The following SH3GL3 variants were observed in gnomAD, a reference collection of about 807,000 sequenced individuals.
The protein encoded by SH3GL3 is SH3 domain containing GRB2 like 3, endophilin A3, also known as endophilin-A3.
In SH3GL3, 33 loss-of-function variants were observed where a neutral mutation model predicts 47.7. That is an observed-to-expected ratio of 0.69 (90% CI 0.52 to 0.92). The LOEUF (loss-of-function observed/expected upper bound fraction) is 0.92. Among genes scored for constraint, SH3GL3 ranks in the 40% least tolerant of loss-of-function variants. The pLI, the probability that SH3GL3 is intolerant of heterozygous loss-of-function variation, is 0.00. For missense variants in SH3GL3, 363 were observed against 417.8 expected, an observed-to-expected ratio of 0.87 and a Z score of 1.14; for synonymous variants, 155 against 148.8, an observed-to-expected ratio of 1.04 and a Z score of -0.30.
At chr15:83,587,521 T>C (rs2059986352) in intron 7 of SH3GL3, among the ~76,000 whole-genome samples, 1 of 111,070 alleles carries the variant, frequency 9.0e-6, no homozygotes, top group African/African-American at 3.5e-5. Context: ...TATGTAAATA[T>C]CTGTAAAAAA....
intron 1 of SH3GL3, among the ~76,000 whole-genome samples, chr15:83,502,056 A>T (rs900097792): frequency 6.6e-6 from 1 of 152,276 alleles, no homozygotes; most frequent in African/African-American, 2.4e-5. Context: ...GCTTCACTCT[A>T]GGAATAATAT....
intron 1 of SH3GL3, among the ~76,000 whole-genome samples, chr15:83,520,333 C>CA (rs1333669989): frequency 6.6e-6 from 1 of 151,552 alleles, no homozygotes; most frequent in Admixed American, 6.6e-5. Flanking sequence ...TAGCAAAGAA[C>CA]AAAAAAAAGC....
chr15:83,582,152 T>A (rs1048755623), intron 6 of SH3GL3, among the ~76,000 whole-genome samples: 1 of 152,362 alleles, frequency 6.6e-6, no homozygotes, highest in East Asian at 1.9e-4. Context: ...ACCTCTTCTG[T>A]CTTTGCAGAG....
intron 1 of SH3GL3, among the ~76,000 whole-genome samples, chr15:83,462,159 T>C (rs1236637459): frequency 6.6e-6 from 1 of 152,216 alleles, no homozygotes; most frequent in Non-Finnish European, 1.5e-5. Flanking sequence ...GTGCCTGATA[T>C]GTGGGCCACA....
chr15:83,534,287 T>C (rs2043810128), intron 1 of SH3GL3, among the ~76,000 whole-genome samples: 1 of 152,188 alleles, frequency 6.6e-6, no homozygotes, highest in Admixed American at 6.5e-5. Context: ...TAAATAAATA[T>C]CTTTTCTCTA....
At chr15:83,480,490 C>T (rs1295111066) in intron 1 of SH3GL3, among the ~76,000 whole-genome samples, 1 of 152,200 alleles carries the variant, frequency 6.6e-6, no homozygotes, top group Non-Finnish European at 1.5e-5. Flanking sequence ...CCTTGTGGGG[C>T]CAGCATGAGC....
At chr15:83,537,786 G>T (rs903263959) in intron 1 of SH3GL3, among the ~76,000 whole-genome samples, 3 of 152,054 alleles carry the variant, frequency 2.0e-5, no homozygotes, top group Admixed American at 6.6e-5. Flanking sequence ...AATCCCATCT[G>T]CTCTCTGTCT....
chr15:83,591,807 C>T (rs1161201279), intron 8 of SH3GL3, among the ~76,000 whole-genome samples: 3 of 152,224 alleles, frequency 2.0e-5, no homozygotes, highest in African/African-American at 4.8e-5. Flanking sequence ...TGCCTCGGCC[C>T]CCCGAGTAGC....
chr15:83,559,804 A>G (rs1415343669), intron 2 of SH3GL3, among the ~76,000 whole-genome samples: 1 of 152,192 alleles, frequency 6.6e-6, no homozygotes, highest in African/African-American at 2.4e-5. Flanking sequence ...AACTTGGATA[A>G]GTGAATTCAT....
At chr15:83,556,550 C>T (rs866970920) in intron 1 of SH3GL3, among the ~76,000 whole-genome samples, 2 of 152,146 alleles carry the variant, frequency 1.3e-5, no homozygotes, top group Non-Finnish European at 1.5e-5. Flanking sequence ...AGTGCGAACT[C>T]GTTCGGATTA....
At chr15:83,564,705 A>C (rs1474771163) in intron 2 of SH3GL3, among the ~76,000 whole-genome samples, 3 of 152,186 alleles carry the variant, frequency 2.0e-5, no homozygotes, top group Non-Finnish European at 4.4e-5. Context: ...AGTGTTGATT[A>C]CTGAGGCAGT....
chr15:83,521,482 C>T (rs1043032993), intron 1 of SH3GL3, among the ~76,000 whole-genome samples: 11 of 152,064 alleles, frequency 7.2e-5, no homozygotes, highest in Non-Finnish European at 5.9e-5. Context: ...AATGGAATGG[C>T]CCAGGAGATA....
chr15:83,569,454 C>A (rs2045711535), intron 4 of SH3GL3, among the ~76,000 whole-genome samples: 1 of 152,104 alleles, frequency 6.6e-6, no homozygotes, highest in African/African-American at 2.4e-5. Context: ...TTACAATAAC[C>A]ATTTTCATAG....
In SH3GL3 at chr15:83,464,842, A is replaced by G. The variant is rs189142833; in HGVS notation, c.45+17264A>G. Reference sequence around the variant, plus strand: ...CAGACCAGCTACAATTCATTTGCCCACAATGGCCAGGATACTGTTTTAAAA... The same window carrying G: ...CAGACCAGCTACAATTCATTTGCCCGCAATGGCCAGGATACTGTTTTAAAA... On this transcript the variant is annotated intron_variant, in intron 1 of 8. Transcript: ENST00000427482. Among the ~76,000 whole-genome samples the G allele has an allele frequency of 5.4e-3, 815 of 152,192 alleles. 2 individuals are homozygous for G. The highest frequency in any genetic ancestry group is 0.012 in the South Asian group (59 of 4,818).
At chr15:83,513,385 C>T (rs148112283) in intron 1 of SH3GL3, among the ~76,000 whole-genome samples, 65 of 152,316 alleles carry the variant, frequency 4.3e-4, no homozygotes, top group African/African-American at 1.5e-3. Flanking sequence ...ACCTCCTTTT[C>T]AGGCCCCAAC....
intron 2 of SH3GL3, among the ~76,000 whole-genome samples, chr15:83,559,924 G>A (rs1409863999): frequency 6.6e-6 from 1 of 152,082 alleles, no homozygotes; most frequent in African/African-American, 2.4e-5. Flanking sequence ...AAAATATGAC[G>A]GGCTTGAGAC....
chr15:83,508,780 CTGGT>C (rs1016107186), intron 1 of SH3GL3, among the ~76,000 whole-genome samples: 2 of 151,908 alleles, frequency 1.3e-5, no homozygotes, highest in African/African-American at 4.8e-5. Flanking sequence ...GTTTCACCAT[CTGGT>C]TGGCCACCAT....
At chr15:83,490,015 G>A (rs1402041937) in intron 1 of SH3GL3, among the ~76,000 whole-genome samples, 2 of 152,188 alleles carry the variant, frequency 1.3e-5, no homozygotes, top group Non-Finnish European at 2.9e-5. Flanking sequence ...CTGTCTCTGT[G>A]GCCTGGGCAT....
chr15:83,536,927 C>T (rs17841192), intron 1 of SH3GL3, among the ~76,000 whole-genome samples: 9,802 of 152,192 alleles, frequency 0.064, 610 homozygotes, highest in East Asian at 0.23. Context: ...CATTTCCTGT[C>T]GCACTCCTGG....
Sources: gnomAD v4.1 joint callset for allele counts (sites outside exome capture counted in the v4.1 genomes callset) on GRCh38, gnomAD v4.1.1 for gene constraint, MANE v1.5 for transcripts, NCBI Gene and HGNC (gene_info 2026-07-23, HGNC 2026-07-21) for gene names.